The following TUSC3 variants were observed in gnomAD, a reference collection of about 807,000 sequenced individuals.
The protein encoded by TUSC3 is dolichyl-diphosphooligosaccharide--protein glycosyltransferase subunit TUSC3.
TUSC3 carries 45 observed loss-of-function variants against 44.8 expected under a neutral mutation model. That is an observed-to-expected ratio of 1.00 (90% CI 0.79 to 1.29). The LOEUF (loss-of-function observed/expected upper bound fraction) is 1.29, where lower values mean the gene tolerates loss of function less well. Ranked by LOEUF, TUSC3 falls within the 50% of genes most tolerant of loss-of-function variation. The probability of loss-of-function intolerance (pLI) is 0.00; values close to 1 mark genes in which losing one functional copy is unlikely to be tolerated. For synonymous variants in TUSC3, 212 were observed against 152.9 expected (o/e 1.39, Z -2.85); for missense variants, 519 against 437.9 (o/e 1.19, Z -1.65).
intron 9 of TUSC3, among the ~76,000 whole-genome samples, chr8:15,753,078 G>T (rs1166957615): frequency 6.6e-6 from 1 of 151,882 alleles, no homozygotes; most frequent in Non-Finnish European, 1.5e-5. Context: ...AATGAAAGCT[G>T]CTATAGTTTA....
intron 1 of TUSC3, among the ~76,000 whole-genome samples, chr8:15,596,279 T>G (rs1178457982): frequency 6.6e-6 from 1 of 152,164 alleles, no homozygotes; most frequent in Non-Finnish European, 1.5e-5. Flanking sequence ...TGCCATGTTT[T>G]TAGGGGTGTT....
At chr8:15,625,763 TC>T (rs1278432313) in intron 2 of TUSC3, among the ~76,000 whole-genome samples, 1 of 152,216 alleles carries the variant, frequency 6.6e-6, no homozygotes, top group Non-Finnish European at 1.5e-5. Flanking sequence ...TTCTAAAATT[TC>T]TAAGAAGCAT....
intron 1 of TUSC3, among the ~76,000 whole-genome samples, chr8:15,441,025 C>T (rs1800014008): frequency 1.3e-5 from 2 of 152,186 alleles, no homozygotes; most frequent in East Asian, 1.9e-4. Context: ...AATAGATTCT[C>T]CATTTTTGTT....
chr8:15,784,498 A>ATGTGTGTGTG, the TUSC3 span, among the ~76,000 whole-genome samples: 1 of 149,474 alleles, frequency 6.7e-6, no homozygotes, highest in Non-Finnish European at 1.5e-5. Context: ...TGTTATGTGT[A>ATGTGTGTGTG]TGTGTGTGTG....
At chr8:15,611,052 C>T (rs746933590) in intron 1 of TUSC3, among the ~76,000 whole-genome samples, 2 of 152,178 alleles carry the variant, frequency 1.3e-5, no homozygotes, top group Non-Finnish European at 2.9e-5. Context: ...CTCTATTTCT[C>T]ATTAGATAAC....
chr8:15,506,380 C>T (rs1438201937), intron 2 of TUSC3, among the ~76,000 whole-genome samples: 1 of 152,216 alleles, frequency 6.6e-6, no homozygotes, highest in African/African-American at 2.4e-5. Context: ...CTGTAACTTT[C>T]ACTCCACATT....
chr8:15,822,175 C>G, the TUSC3 span, among the ~76,000 whole-genome samples: 1 of 148,518 alleles, frequency 6.7e-6, no homozygotes, highest in African/African-American at 2.5e-5. Context: ...ATTGAAAACG[C>G]TACAAATAGA....
the TUSC3 span, among the ~76,000 whole-genome samples, chr8:15,849,172 C>T: frequency 7.2e-5 from 11 of 152,154 alleles, no homozygotes; most frequent in African/African-American, 2.7e-4. Flanking sequence ...GCATTTAAAA[C>T]ATTATAATGT....
intron 1 of TUSC3, among the ~76,000 whole-genome samples, chr8:15,587,062 C>T (rs951564716): frequency 6.6e-6 from 1 of 152,094 alleles, no homozygotes; most frequent in African/African-American, 2.4e-5. Context: ...TTCGACATGC[C>T]TAACATTTTT....
intron 1 of TUSC3, 94 bp downstream of exon 1, chr8:15,540,662 G>A (rs1385835319): frequency 1.4e-6 from 2 of 1,425,144 alleles, no homozygotes; most frequent in Non-Finnish European, 1.8e-6. Context: ...TAGGCAGCCT[G>A]GTCGCCGGCG....
At chr8:15,513,063 C>A (rs866305325) in intron 2 of TUSC3, among the ~76,000 whole-genome samples, 1 of 150,112 alleles carries the variant, frequency 6.7e-6, no homozygotes, top group Non-Finnish European at 1.5e-5. Context: ...TTAGGAATTA[C>A]AATTGTAACG....
intron 1 of TUSC3, among the ~76,000 whole-genome samples, chr8:15,585,763 C>G (rs1332351134): frequency 6.6e-6 from 1 of 152,174 alleles, no homozygotes; most frequent in East Asian, 1.9e-4. Flanking sequence ...ATGTCTTAGT[C>G]AAGCCCCTCA....
chr8:15,542,657 G>T (rs1400598365), intron 1 of TUSC3, among the ~76,000 whole-genome samples: 1 of 152,064 alleles, frequency 6.6e-6, no homozygotes, highest in Non-Finnish European at 1.5e-5. Flanking sequence ...AACATTTGTG[G>T]ATTTAGTATA....
chr8:15,702,758 TTAAAA>T (rs1186773884), intron 6 of TUSC3, among the ~76,000 whole-genome samples: 3 of 152,092 alleles, frequency 2.0e-5, no homozygotes, highest in African/African-American at 7.2e-5. Context: ...CTTATATTAC[TTAAAA>T]TAACAAATTG....
the TUSC3 span, among the ~76,000 whole-genome samples, chr8:15,800,435 TG>T: frequency 1.3e-5 from 2 of 151,994 alleles, no homozygotes; most frequent in Non-Finnish European, 2.9e-5. Context: ...TAGCCGGGCA[TG>T]GTGGCTCATG....
chr8:15,754,270 A>T (rs896331025), intron 9 of TUSC3, among the ~76,000 whole-genome samples: 1 of 152,114 alleles, frequency 6.6e-6, no homozygotes, highest in Non-Finnish European at 1.5e-5. Flanking sequence ...ATTAGGCTGT[A>T]CAATAGTAAA....
intron 1 of TUSC3, among the ~76,000 whole-genome samples, chr8:15,438,842 A>C (rs1330143678): frequency 1.3e-5 from 2 of 152,232 alleles, no homozygotes; most frequent in African/African-American, 4.8e-5. Context: ...TGATGAGTGA[A>C]TATGCAGAGC....
chr8:15,708,368 C>A (rs529575228), intron 6 of TUSC3, among the ~76,000 whole-genome samples: 3 of 151,930 alleles, frequency 2.0e-5, no homozygotes, highest in Admixed American at 6.6e-5. Context: ...ATTTGGGTAC[C>A]AGAAGCCTGT....
At chr8:15,742,115 C>T (rs1325702034) in intron 7 of TUSC3, among the ~76,000 whole-genome samples, 3 of 151,300 alleles carry the variant, frequency 2.0e-5, no homozygotes, top group African/African-American at 7.3e-5. Context: ...ATATTCTTTT[C>T]AGGCTACTGC....
Sources: gnomAD v4.1 joint callset for allele counts (sites outside exome capture counted in the v4.1 genomes callset) on GRCh38, gnomAD v4.1.1 for gene constraint, MANE v1.5 for transcripts, NCBI Gene and HGNC (gene_info 2026-07-23, HGNC 2026-07-21) for gene names.